CAPN8: variants seen among roughly 807,000 people sequenced by gnomAD.
CAPN8 encodes calpain-8.
In CAPN8, 87 loss-of-function variants were observed where a neutral mutation model predicts 80.9. That is an observed-to-expected ratio of 1.07 (90% CI 0.90 to 1.28). CAPN8 has a LOEUF of 1.28. Among genes scored for constraint, CAPN8 ranks in the 50% most tolerant of loss-of-function variants. The probability of loss-of-function intolerance (pLI) is 0.00; values close to 1 mark genes in which losing one functional copy is unlikely to be tolerated. For missense variants in CAPN8, 757 were observed against 702.0 expected (o/e 1.08, Z -0.89); for synonymous variants, 299 against 273.8 (o/e 1.09, Z -0.91).
chr1:223,662,685 C>A (rs1418327320), intron 1 of CAPN8, among the ~76,000 whole-genome samples: 2 of 152,096 alleles, frequency 1.3e-5, no homozygotes, highest in African/African-American at 4.8e-5. Context: ...TATCATACCA[C>A]AATTTAAAAA....
chr1:223,665,414 G>C lies in CAPN8; in HGVS notation c.233C>G (p.Pro78Arg). ...PQTQGIIWKRPTELCPSPQFI... is the reference protein window; with the variant it reads ...PQTQGIIWKRRTELCPSPQFI... ...ACAGCAAGCCCGCTTCCTTACCGTG[G>C]GCCGCTTCCAGATGATGCCTTGAGT... Residue 78 changes from proline to arginine, a missense_variant, in exon 1 of 21, where the codon CCC becomes CGC. Transcript: ENST00000366872. 1 of 1,550,580 alleles carries C rather than the reference G, an allele frequency of 6.4e-7. No individual in the cohort carries two copies. Among genetic ancestry groups the C allele is most frequent in the Non-Finnish European group, 8.7e-7 (1 of 1,145,806 alleles).
chr1:223,622,816 C>T lies in CAPN8; in HGVS notation c.898G>A (p.Asp300Asn). 1 of 1,551,548 alleles carries T rather than the reference C, an allele frequency of 6.4e-7. No homozygotes were observed. Among genetic ancestry groups the T allele is most frequent in the Non-Finnish European group, 8.7e-7 (1 of 1,146,832 alleles). Residue 300 changes from aspartate (D) to asparagine (N), a missense_variant and splice_region_variant, in exon 7 of 21, where the codon GAT (aspartate) becomes AAT (asparagine). Coordinates refer to ENST00000366872, the MANE Select transcript of CAPN8 (RefSeq NM_001143962.2). ...GAGAAGCGGGGGAAAAAAACCTACT[C>T]ATCGCTCCAGGCTCCCGACCACTCC... is the stretch of plus-strand genomic sequence containing the variant. The part of the protein sequence containing the change: ...EVEWSGAWSD[D>N]APEWNHIDPR...
intron 12 of CAPN8, among the ~76,000 whole-genome samples, chr1:223,558,709 T>A (rs1656958729): frequency 6.6e-6 from 1 of 151,832 alleles, no homozygotes; most frequent in African/African-American, 2.4e-5. Context: ...GTGAATGGTG[T>A]ACTGTGTGTG....
intron 7 of CAPN8, among the ~76,000 whole-genome samples, chr1:223,621,515 A>G (rs750891713): frequency 3.9e-5 from 6 of 152,048 alleles, no homozygotes; most frequent in Non-Finnish European, 7.4e-5. Context: ...CAGGGTTTCA[A>G]TTTCACGTGG....
chr1:223,640,080 A>G (rs1658007097), intron 2 of CAPN8, among the ~76,000 whole-genome samples: 1 of 151,710 alleles, frequency 6.6e-6, no homozygotes, highest in Non-Finnish European at 1.5e-5. Flanking sequence ...TTTCATCCTC[A>G]CTTTCCAATT....
chr1:223,542,040 AC>A (rs1656479175), intron 20 of CAPN8, among the ~76,000 whole-genome samples, 181 bp from the exon 21 acceptor site: 1 of 152,172 alleles, frequency 6.6e-6, no homozygotes, highest in Admixed American at 6.5e-5. Context: ...GAACCAGGGT[AC>A]TACAGAAATG....
chr1:223,631,833 G>C (rs189352885), intron 2 of CAPN8, among the ~76,000 whole-genome samples: 47 of 152,234 alleles, frequency 3.1e-4, no homozygotes, highest in Non-Finnish European at 5.1e-4. Context: ...GGGAGTGAAG[G>C]GGGAGACTGC....
chr1:223,633,375 A>T (rs1187627008), intron 2 of CAPN8, among the ~76,000 whole-genome samples: 1 of 150,726 alleles, frequency 6.6e-6, no homozygotes, highest in Non-Finnish European at 1.5e-5. Context: ...CAAAACGGAG[A>T]CTATAACAAA....
At chr1:223,624,864 G>A (rs926260658) in intron 6 of CAPN8, among the ~76,000 whole-genome samples, 2 of 152,156 alleles carry the variant, frequency 1.3e-5, no homozygotes, top group African/African-American at 4.8e-5. Context: ...GGAGGTCGAG[G>A]CGGGCAGATC....
At chr1:223,643,900 T>G (rs1193679176) in intron 2 of CAPN8, among the ~76,000 whole-genome samples, 1 of 152,216 alleles carries the variant, frequency 6.6e-6, no homozygotes, top group Non-Finnish European at 1.5e-5. Flanking sequence ...CGTACAGTAC[T>G]GGCCAGCATA....
chr1:223,627,770 G>C (rs924349193), intron 4 of CAPN8, among the ~76,000 whole-genome samples: 37 of 152,188 alleles, frequency 2.4e-4, no homozygotes, highest in African/African-American at 8.9e-4. Context: ...GGGGCAGGGA[G>C]GCTGGCCCCA....
At chr1:223,664,372 C>G (rs150571571) in intron 1 of CAPN8, among the ~76,000 whole-genome samples, 32 of 152,322 alleles carry the variant, frequency 2.1e-4, no homozygotes, top group African/African-American at 6.7e-4. Flanking sequence ...CTGAGTTGTT[C>G]CATTGTGCAC....
intron 10 of CAPN8, among the ~76,000 whole-genome samples, chr1:223,613,741 G>A (rs2102699303): frequency 6.6e-6 from 1 of 152,336 alleles, no homozygotes; most frequent in Non-Finnish European, 1.5e-5. Context: ...CTGCTTCTCA[G>A]TCAGCAGCAG....
chr1:223,609,432 C>A, intron 11 of CAPN8, 68 bp from the exon 12 acceptor site: 1 of 398,326 alleles, frequency 2.5e-6, no homozygotes, highest in East Asian at 3.6e-5. Context: ...AAGAGTTCAG[C>A]TTTATTGTGC....
chr1:223,641,478 C>G (rs2102725155), intron 2 of CAPN8, among the ~76,000 whole-genome samples: 2 of 152,174 alleles, frequency 1.3e-5, no homozygotes, highest in South Asian at 4.2e-4. Flanking sequence ...TTGCAATTGT[C>G]TCTTCCTGGT....
chr1:223,626,106 C>T (rs1041499064), intron 5 of CAPN8, among the ~76,000 whole-genome samples: 3 of 152,172 alleles, frequency 2.0e-5, no homozygotes, highest in African/African-American at 7.2e-5. Context: ...CCTGCCAAGC[C>T]TGGAAGACAA....
intron 2 of CAPN8, among the ~76,000 whole-genome samples, chr1:223,633,465 C>A (rs534137808): frequency 6.6e-6 from 1 of 151,694 alleles, no homozygotes; most frequent in African/African-American, 2.4e-5. Flanking sequence ...AGTTCAAGAC[C>A]AGCCTGGTCA....
intron 1 of CAPN8, among the ~76,000 whole-genome samples, chr1:223,664,034 CTT>C (rs1285452410): frequency 6.6e-6 from 1 of 152,200 alleles, no homozygotes; most frequent in Non-Finnish European, 1.5e-5. Context: ...GAACAGAGCA[CTT>C]TGTATGGATG....
At chr1:223,633,022 C>G (rs142615224) in intron 2 of CAPN8, among the ~76,000 whole-genome samples, 23 of 152,304 alleles carry the variant, frequency 1.5e-4, no homozygotes, top group Non-Finnish European at 2.9e-4. Flanking sequence ...AGATGAAGGT[C>G]AGCATAGGAG....
Sources: gnomAD v4.1 joint callset for allele counts (sites outside exome capture counted in the v4.1 genomes callset) on GRCh38, gnomAD v4.1.1 for gene constraint, MANE v1.5 for transcripts, NCBI Gene and HGNC (gene_info 2026-07-23, HGNC 2026-07-21) for gene names.